Variants in FN1 observed in about 807,000 individuals in gnomAD.
FN1 encodes fibronectin.
In FN1, 106 loss-of-function variants were observed where a neutral mutation model predicts 297.3. That is an observed-to-expected ratio of 0.36 (90% CI 0.30 to 0.42). FN1 has a LOEUF of 0.42. FN1 is among the 10% of genes least tolerant of loss of function. FN1 has a pLI of 1.00. For missense variants in FN1, 2,690 were observed against 3,124.9 expected, an observed-to-expected ratio of 0.86 and a Z score of 3.32; for synonymous variants, 1,149 against 1,152.6, an observed-to-expected ratio of 1.00 and a Z score of 0.06.
intron 42 of FN1, among the ~76,000 whole-genome samples, chr2:215,365,966 A>ATTTTTT (rs559516647): frequency 2.4e-3 from 212 of 90,036 alleles, no homozygotes; most frequent in East Asian, 9.3e-3. Context: ...CCACAGTGCT[A>ATTTTTT]TTTTTTTTTT....
rs1052964200 is a variant in FN1, at chr2:215,371,787, A to C, written c.6714+122T>G. 11 of 827,308 alleles carry C rather than the reference A, an allele frequency of 1.3e-5. No homozygotes were observed. The Admixed American group carries it at 2.2e-4, about 16-fold the overall frequency. 51.2% of individuals were successfully genotyped at this position (827,308 alleles called of 1,614,324 possible). On this transcript the variant is annotated intron_variant, in intron 40 of 45. Transcript: ENST00000354785. ...CTCGGCCTCCCAAAGTGCTGGGATT[A>C]CAGGCGTGAGCCATCACACCCGGCC...
At position 215,375,275 on chromosome 2, in the gene FN1, C is replaced by A; in HGVS notation, c.6096G>T (p.Gly2032=). 1.2e-6 allele frequency: 2 copies of A among 1,614,130 alleles called. No individual in the cohort carries two copies. The highest frequency in any genetic ancestry group is 1.7e-6 in the Non-Finnish European group (2 of 1,180,016). Residue 2032 remains glycine (G), a synonymous_variant, in exon 38 of 46, where the codon GGG becomes GGT. Coordinates refer to ENST00000354785, the MANE Select transcript of FN1 (RefSeq NM_212482.4). ...TGYIIKYEKP[G]SPPREVVPRP... The stretch of plus-strand genomic sequence containing the variant: ...GAGGGACCACTTCTCTGGGAGGAGA[C>A]CCAGGCTTCTCATACTTGATGATGT...
Position 215,411,624 on chromosome 2 carries a change from T to A in FN1, c.1942-1510A>T, listed in dbSNP as rs1442492929. Among the ~76,000 whole-genome samples, 4 of 151,910 alleles carry A rather than the reference T, an allele frequency of 2.6e-5. No individual in the cohort carries two copies. In the East Asian group the frequency reaches 7.7e-4, roughly 29 times the overall value. On this transcript the variant is annotated intron_variant, in intron 13 of 45. Coordinates refer to ENST00000354785, the MANE Select transcript of FN1 (RefSeq NM_212482.4). ...TGTAATTGTTAAAAATCTCAAAAAATTCATCACTGCTGCTTTTTGAAGACT... is the reference window on the plus strand; with the variant it reads ...TGTAATTGTTAAAAATCTCAAAAAAATCATCACTGCTGCTTTTTGAAGACT...
intron 23 of FN1, among the ~76,000 whole-genome samples, chr2:215,396,246 A>C (rs1364895804): frequency 6.6e-6 from 1 of 152,230 alleles, no homozygotes; most frequent in Non-Finnish European, 1.5e-5. Context: ...GAATGCAATC[A>C]ACATTAATTG....
rs1489571094 is a variant in FN1 at position 215,411,808 on chromosome 2, A to C, written c.1942-1694T>G. Among the ~76,000 whole-genome samples, 11 of 151,884 alleles carry C rather than the reference A, an allele frequency of 7.2e-5. 1 individual carries two copies. The highest frequency in any genetic ancestry group is 1.2e-4 in the African/African-American group (5 of 41,336). Reference sequence around the variant, plus strand: ...CAGCTTCCCGAGTAGCTGGGATTACAGGTATGCGCCACCATGCCCAGCTAA... The same window carrying C: ...CAGCTTCCCGAGTAGCTGGGATTACCGGTATGCGCCACCATGCCCAGCTAA... On this transcript the variant is annotated intron_variant, in intron 13 of 45. Coordinates refer to ENST00000354785, the MANE Select transcript of FN1 (RefSeq NM_212482.4).
Position 215,379,259 on chromosome 2 carries a change from G to A in FN1, c.5493C>T (p.Ala1831=). Residue 1831 remains alanine, a synonymous_variant, in exon 34 of 46, where the codon GCC becomes GCT. Transcript: ENST00000354785. The part of the protein sequence containing the change: ...FTQVTPTSLS[A]QWTPPNVQLT... ...GCTGAACATTGGGTGGTGTCCACTG[G>A]GCGCTCAGGCTTGTGGGTGTGACCT... The A allele has an allele frequency of 6.2e-7, 1 of 1,614,104 alleles. No individual in the cohort carries two copies. The highest frequency in any genetic ancestry group is 1.1e-5 in the South Asian group (1 of 91,086).
intron 26 of FN1, among the ~76,000 whole-genome samples, chr2:215,389,462 AGT>A (rs755297100): frequency 6.6e-6 from 1 of 151,888 alleles, no homozygotes; most frequent in African/African-American, 2.4e-5. Context: ...CATTTTGATA[AGT>A]GTGTGATTTG....
Position 215,380,886 on chromosome 2 carries a change from A to G in FN1, c.5359T>C (p.Ser1787Pro). The change falls in exon 33 of 46, where the codon TCT becomes CCT. Residue 1787 changes from serine to proline, a missense_variant. By Grantham distance (74) the Ser-to-Pro change is moderately conservative (BLOSUM62 -1). This residue lies in a region of FN1 where 1,743 missense variants were observed against 1,945.2 expected (regional missense o/e 0.90). Transcript: ENST00000354785. ...GCAACCACACTGACTGTGTACTCAG[A>G]ACCCGGTCTGAGGCCTTGCAGCTCT... Reference protein sequence around the residue: ...TAELQGLRPGSEYTVSVVALH... With the variant: ...TAELQGLRPGPEYTVSVVALH... The G allele has an allele frequency of 6.2e-7, 1 of 1,614,160 alleles. No individual in the cohort carries two copies. The highest frequency in any genetic ancestry group is 8.5e-7 in the Non-Finnish European group (1 of 1,180,016).
At chr2:215,404,911 A>G (rs2061580288) in intron 19 of FN1, among the ~76,000 whole-genome samples, 1 of 152,168 alleles carries the variant, frequency 6.6e-6, no homozygotes, top group Admixed American at 6.5e-5. Context: ...TTCCAGCAAG[A>G]CTTTCGCATC....
chr2:215,423,180 T>TCACACACACACACA (rs9288509), intron 9 of FN1, among the ~76,000 whole-genome samples, 170 bp downstream of exon 9: 321 of 148,862 alleles, frequency 2.2e-3, no homozygotes, highest in African/African-American at 7.6e-3. Flanking sequence ...TGATGTAACA[T>TCACACACACACACA]CACACACACA....
intron 13 of FN1, among the ~76,000 whole-genome samples, chr2:215,410,538 G>A (rs904250957): frequency 7.0e-6 from 1 of 142,602 alleles, no homozygotes; most frequent in Non-Finnish European, 1.5e-5. Context: ...ACAGAGTTTT[G>A]CTCTTGTTGC....
intron 30 of FN1, among the ~76,000 whole-genome samples, 154 bp downstream of exon 30, chr2:215,383,866 C>T (rs2058548557): frequency 6.6e-6 from 1 of 152,198 alleles, no homozygotes; most frequent in African/African-American, 2.4e-5. Flanking sequence ...CTTTATCTGG[C>T]TCAAAACTCT....
At position 215,434,841 on chromosome 2, in the gene FN1, G is replaced by A; in HGVS notation, c.149-17C>T. 6.4e-7 allele frequency: 1 copy of A among 1,568,768 alleles called. No homozygotes were observed. The highest frequency in any genetic ancestry group is 8.6e-7 in the Non-Finnish European group (1 of 1,163,118). ...AACAACCGGCTGCAAATAATTGAAG[G>A]AAAACGTTACATTTGCATTTCTCCT... On this transcript the variant is annotated splice_polypyrimidine_tract_variant and intron_variant, in intron 1 of 45. Transcript: ENST00000354785.
At chr2:215,380,571 T>G in intron 33 of FN1, 1 of 567,182 alleles carries the variant, frequency 1.8e-6, no homozygotes, top group Non-Finnish European at 3.1e-6. Flanking sequence ...TCTTCAAATG[T>G]CTTGCTTTAT....
At chr2:215,418,851 T>C (rs2063795104) in intron 12 of FN1, among the ~76,000 whole-genome samples, 1 of 152,228 alleles carries the variant, frequency 6.6e-6, no homozygotes, top group South Asian at 2.1e-4. Context: ...CTGCATTTCA[T>C]GCCATCTCTC....
At chr2:215,400,110 C>A (rs2060818320) in intron 20 of FN1, among the ~76,000 whole-genome samples, 2 of 151,654 alleles carry the variant, frequency 1.3e-5, no homozygotes, top group Admixed American at 1.3e-4. Context: ...ATCGCTTGAA[C>A]CCTGGAGATA....
At chr2:215,377,451 G>A (rs773736668) in intron 35 of FN1, among the ~76,000 whole-genome samples, 7 of 152,046 alleles carry the variant, frequency 4.6e-5, no homozygotes, top group Non-Finnish European at 1.0e-4. Context: ...TCATTTAAAT[G>A]TATAAGGTCC....
intron 42 of FN1, among the ~76,000 whole-genome samples, chr2:215,366,583 G>A (rs2054653797): frequency 6.6e-6 from 1 of 152,184 alleles, no homozygotes; most frequent in Non-Finnish European, 1.5e-5. Flanking sequence ...CATAAGGGAT[G>A]ACTTTTTAAC....
chr2:215,380,829 TC>T lies in FN1; in HGVS notation c.5415del (p.Ile1806LeufsTer14). The T allele has an allele frequency of 6.2e-7, 1 of 1,613,298 alleles. No homozygotes were observed. The highest frequency in any genetic ancestry group is 8.5e-7 in the Non-Finnish European group (1 of 1,179,956). On this transcript the variant is annotated frameshift_variant, in exon 33 of 46. Transcript: ENST00000354785. LOFTEE classifies it high-confidence loss of function. Reference protein sequence around the residue: ...ALHDDMESQPLIGTQSTAIPA... With the variant: ...ALHDDMESQPXIGTQSTAIPA... ...CATATACCTGTGGACTGGGTTCCAA[TC>T]AGGGGCTGGCTCTCCATATCATCGT...
Sources: gnomAD v4.1 joint callset for allele counts (sites outside exome capture counted in the v4.1 genomes callset) on GRCh38, gnomAD v4.1.1 for gene constraint, gnomAD v4.1.1 regional missense constraint, MANE v1.5 for transcripts, NCBI Gene and HGNC (gene_info 2026-07-23, HGNC 2026-07-21) for gene names.